DAB1: variants seen among roughly 807,000 people sequenced by gnomAD.
The protein encoded by DAB1 is DAB adaptor protein 1, also known as disabled homolog 1.
In DAB1, 15 loss-of-function variants were observed where a neutral mutation model predicts 64.6. The ratio of observed to expected loss-of-function variants is 0.23; its 90% CI spans 0.16 to 0.36. The LOEUF is 0.36. DAB1 is among the 10% of genes least tolerant of loss of function. The pLI is 1.00. For missense variants in DAB1, 596 were observed against 706.7 expected, an observed-to-expected ratio of 0.84 and a Z score of 1.78; for synonymous variants, 235 against 251.9, an observed-to-expected ratio of 0.93 and a Z score of 0.64.
At chr1:57,455,881 G>T (rs1570537024) in intron 7 of DAB1, among the ~76,000 whole-genome samples, 1 of 152,110 alleles carries the variant, frequency 6.6e-6, no homozygotes, top group African/African-American at 2.4e-5. Context: ...TCTAGTCAGG[G>T]ATTTCTTGCG....
At position 57,311,882 on chromosome 1, in the gene DAB1, G is replaced by T. The variant is rs929682238; in HGVS notation, c.-136-20716C>A. Among the ~76,000 whole-genome samples the T allele has an allele frequency of 5.3e-5, 8 of 152,114 alleles. No individual in the cohort carries two copies. In the South Asian group the frequency reaches 1.5e-3, roughly 28 times the overall value. ...TGATGGTGATGGTAAAAATAATGAA[G>T]ACCACAAGGTGAAGTCAGTCTTCTA... On this transcript the variant is annotated intron_variant, in intron 1 of 14. Transcript: ENST00000371236.
At chr1:57,671,166 G>C (rs779399682) in intron 6 of DAB1, among the ~76,000 whole-genome samples, 2 of 152,214 alleles carry the variant, frequency 1.3e-5, no homozygotes, top group East Asian at 3.9e-4. Flanking sequence ...ACAGAGGGCT[G>C]ACTGTGTTTA....
At chr1:57,280,497 G>A (rs539850923) in intron 2 of DAB1, among the ~76,000 whole-genome samples, 11 of 152,166 alleles carry the variant, frequency 7.2e-5, no homozygotes, top group Non-Finnish European at 1.3e-4. Context: ...CTCCAGCTCC[G>A]TGAAAGAGCA....
chr1:57,311,275 G>C (rs182765127), intron 1 of DAB1, among the ~76,000 whole-genome samples: 1 of 152,062 alleles, frequency 6.6e-6, no homozygotes, highest in Admixed American at 6.5e-5. Context: ...GCAGTCCCAC[G>C]TGGGGACAAA....
At position 57,528,637 on chromosome 1, in the gene DAB1, G is replaced by GACAGAC. The variant is rs1553190963; in HGVS notation, n.625+120954_625+120955insGTCTGT. Among the ~76,000 whole-genome samples the GACAGAC allele has an allele frequency of 3.7e-3, 82 of 22,178 alleles. 2 individuals are homozygous for GACAGAC. Among genetic ancestry groups the GACAGAC allele is most frequent in the South Asian group, 0.019 (1 of 52 alleles). 14.5% of individuals were successfully genotyped at this position (22,178 alleles called of 152,430 possible). On this transcript the variant is annotated intron_variant and non_coding_transcript_variant, in intron 7 of 20. Transcript: ENST00000485760. The stretch of plus-strand genomic sequence containing the variant: ...TAATGGAAAATATTAAAAGCAGCAG[G>GACAGAC]ACACACACACACACACACACACACA...
intron 1 of DAB1, among the ~76,000 whole-genome samples, chr1:58,528,683 G>A (rs1646388036): frequency 6.6e-6 from 1 of 152,194 alleles, no homozygotes; most frequent in Non-Finnish European, 1.5e-5. Flanking sequence ...TGCTGAGATT[G>A]AGAAATCCTG....
intron 5 of DAB1, among the ~76,000 whole-genome samples, chr1:58,068,536 C>T (rs1049310857): frequency 2.6e-5 from 4 of 151,940 alleles, no homozygotes; most frequent in East Asian, 1.9e-4. Context: ...GGGGCAGAGG[C>T]GGGCGGATCA....
At chr1:57,848,764 G>A (rs1388206866) in intron 1 of DAB1, among the ~76,000 whole-genome samples, 1 of 152,194 alleles carries the variant, frequency 6.6e-6, no homozygotes, top group Non-Finnish European at 1.5e-5. Context: ...GTCTAGAGCT[G>A]GAGCTGAAGC....
At chr1:58,268,918 A>G (rs1264263010) in intron 4 of DAB1, among the ~76,000 whole-genome samples, 1 of 152,206 alleles carries the variant, frequency 6.6e-6, no homozygotes, top group Non-Finnish European at 1.5e-5. Flanking sequence ...ACAGATATAT[A>G]GACCAACTGA....
At chr1:57,635,590 G>T (rs1646042963) in intron 7 of DAB1, among the ~76,000 whole-genome samples, 1 of 151,812 alleles carries the variant, frequency 6.6e-6, no homozygotes, top group Non-Finnish European at 1.5e-5. Flanking sequence ...ACAAGCTCAG[G>T]GCTCCCACTG....
intron 3 of DAB1, among the ~76,000 whole-genome samples, chr1:57,139,635 G>A (rs1416923821): frequency 6.6e-6 from 1 of 152,118 alleles, no homozygotes; most frequent in African/African-American, 2.4e-5. Flanking sequence ...TTTGGTCAGG[G>A]AGAGAAGTTT....
At chr1:57,118,335 G>A (rs545802037) in intron 4 of DAB1, among the ~76,000 whole-genome samples, 12 of 152,280 alleles carry the variant, frequency 7.9e-5, no homozygotes, top group Non-Finnish European at 1.6e-4. Context: ...CTGATTGGAA[G>A]TCTGAAGGGG....
chr1:57,693,357 T>G (rs1040206905), intron 6 of DAB1, among the ~76,000 whole-genome samples: 1 of 152,100 alleles, frequency 6.6e-6, no homozygotes, highest in Non-Finnish European at 1.5e-5. Flanking sequence ...GCTAGAGTAT[T>G]GTAAATGCAC....
chr1:57,737,643 T>C (rs1647761856), intron 6 of DAB1, among the ~76,000 whole-genome samples: 1 of 152,202 alleles, frequency 6.6e-6, no homozygotes, highest in African/African-American at 2.4e-5. Flanking sequence ...GTGGAAGGCT[T>C]CCTGGAGTGT....
intron 7 of DAB1, among the ~76,000 whole-genome samples, chr1:57,460,566 G>A (rs1005155243): frequency 1.2e-4 from 19 of 152,080 alleles, no homozygotes; most frequent in African/African-American, 4.1e-4. Context: ...TCCTAATTTG[G>A]CCTGTTTGGA....
rs12562930 is a variant in DAB1 at position 57,295,778 on chromosome 1, A to G, written c.-136-4612T>C. 8.4e-3 allele frequency among the ~76,000 whole-genome samples: 1,281 copies of G among 152,254 alleles called. 37 individuals are homozygous for G. In the East Asian group the frequency reaches 0.087, roughly 10 times the overall value. ...GGCAGAGGGTGATACTCCTCAGAATACAGCTTTTTGCATAATTTCCACATT... is the reference window on the plus strand; with the variant it reads ...GGCAGAGGGTGATACTCCTCAGAATGCAGCTTTTTGCATAATTTCCACATT... On this transcript the variant is annotated intron_variant, in intron 1 of 14. Transcript: ENST00000371236.
At chr1:57,570,312 G>A (rs561435744) in intron 7 of DAB1, among the ~76,000 whole-genome samples, 66 of 152,154 alleles carry the variant, frequency 4.3e-4, no homozygotes, top group African/African-American at 1.4e-3. Flanking sequence ...TTTGGAACTC[G>A]AACTGATTCT....
rs1212159569 is a variant in DAB1, at chr1:57,797,697, G to A, written n.551+86302C>T. On this transcript the variant is annotated intron_variant and non_coding_transcript_variant, in intron 6 of 20. Transcript: ENST00000485760. ...CAAGCTGTAGAAAGAAGACAGAAAGGAGTGCTTTGTTCAGTCAATAACCTA... is the reference window on the plus strand; with the variant it reads ...CAAGCTGTAGAAAGAAGACAGAAAGAAGTGCTTTGTTCAGTCAATAACCTA... Among the ~76,000 whole-genome samples, 3 of 152,298 alleles carry A rather than the reference G, an allele frequency of 2.0e-5. No homozygotes were observed. The East Asian group carries it at 5.8e-4, about 29-fold the overall frequency.
At chr1:57,521,835 C>T (rs764721968) in intron 7 of DAB1, among the ~76,000 whole-genome samples, 4 of 152,086 alleles carry the variant, frequency 2.6e-5, no homozygotes, top group South Asian at 4.2e-4. Flanking sequence ...TTCGGCCGGG[C>T]GTGGTGGCTC....
Sources: gnomAD v4.1 joint callset for allele counts (sites outside exome capture counted in the v4.1 genomes callset) on GRCh38, gnomAD v4.1.1 for gene constraint, MANE v1.5 for transcripts, NCBI Gene and HGNC (gene_info 2026-07-23, HGNC 2026-07-21) for gene names.